HMCES: variants seen among roughly 807,000 people sequenced by gnomAD.
HMCES encodes the protein abasic site processing protein HMCES.
In HMCES, 27 loss-of-function variants were observed where a neutral mutation model predicts 35.1. The observed-to-expected ratio is 0.77, with a 90% CI of 0.57 to 1.06. The LOEUF is 1.06. HMCES is among the 50% of genes least tolerant of loss of function. The pLI, the probability that HMCES is intolerant of heterozygous loss-of-function variation, is 0.00. For missense variants in HMCES, 391 were observed against 430.4 expected (o/e 0.91, Z 0.81); for synonymous variants, 130 against 154.7 (o/e 0.84, Z 1.18).
chr3:129,290,625 C>T (rs2071001606), intron 3 of HMCES, 54 bp from the exon 4 acceptor site: 5 of 1,570,442 alleles, frequency 3.2e-6, no homozygotes, highest in Non-Finnish European at 4.3e-6. Flanking sequence ...TAATGGCAGC[C>T]TGTGAAACAT....
rs34382705 is a variant in HMCES at position 129,299,648 on chromosome 3, CT to C, written c.635+1134del. Among the ~76,000 whole-genome samples the C allele has an allele frequency of 6.9e-3, 761 of 110,094 alleles. 4 individuals carry two copies. Among genetic ancestry groups the C allele is most frequent in the African/African-American group, 0.022 (636 of 28,632 alleles). 72.2% of individuals were successfully genotyped at this position (110,094 alleles called of 152,430 possible). On this transcript the variant is annotated intron_variant, in intron 5 of 6. Transcript: ENST00000383463. ...TTTTGTATGAACCTTATAGGTGCTT[CT>C]TTTTTTTTTTTTTTTTTTTTGAGAC...
chr3:129,282,635 A>T (rs1940529344), intron 2 of HMCES, among the ~76,000 whole-genome samples: 1 of 152,212 alleles, frequency 6.6e-6, no homozygotes, highest in Non-Finnish European at 1.5e-5. Context: ...AATTTTGATA[A>T]TATTTGATAT....
At chr3:129,289,028 A>T in intron 3 of HMCES, 31 bp downstream of exon 3, 1 of 1,502,376 alleles carries the variant, frequency 6.7e-7, no homozygotes, top group Non-Finnish European at 9.1e-7. Context: ...AGTGCCCCGT[A>T]TACCTCAGAA....
chr3:129,298,986 TACA>T, intron 5 of HMCES, among the ~76,000 whole-genome samples: 1 of 152,192 alleles, frequency 6.6e-6, no homozygotes, highest in African/African-American at 2.4e-5. Flanking sequence ...CTACTAAAAA[TACA>T]ACAACTAAAT....
chr3:129,279,764 GAGATGT>G lies in HMCES; in HGVS notation c.33_38del (p.Arg11_Val13delinsSer), dbSNP rs1319721706. ...GGGCGAACATCCTGTCACTTACCTA[GAGATGT>G]TCTCACGAGAGCTTGCGCCTACCAG... On this transcript the variant is annotated inframe_deletion, in exon 2 of 7. Transcript: ENST00000383463. The surrounding 1 kb of genome is among the most constrained non-coding windows in gnomAD (Gnocchi z 4.2). 6.2e-7 allele frequency: 1 copy of G among 1,613,186 alleles called. No homozygotes were observed. The highest frequency in any genetic ancestry group is 1.3e-5 in the African/African-American group (1 of 75,012).
In HMCES at chr3:129,302,103, T is replaced by G; in HGVS notation, c.789T>G (p.Thr263=). Residue 263 remains threonine (T), a synonymous_variant, in exon 6 of 7, where the codon ACT becomes ACG. Coordinates refer to ENST00000383463, the MANE Select transcript of HMCES (RefSeq NM_020187.3). ...TGGTGAACAACTCGCGAAACAACAC[T>G]CCTGAGTGTCTGGCTCCTGTCGACT... ...SSVVNNSRNN[T]PECLAPVDLV... is the part of the protein sequence containing the mutation. 6.2e-7 allele frequency: 1 copy of G among 1,613,962 alleles called. No homozygotes were observed.
intron 2 of HMCES, among the ~76,000 whole-genome samples, chr3:129,280,787 T>TA (rs1940455019): frequency 6.6e-6 from 1 of 152,234 alleles, no homozygotes; most frequent in Non-Finnish European, 1.5e-5. Context: ...ACCAGTCACT[T>TA]ACATTCATAT....
At chr3:129,300,193 G>T (rs948402975) in intron 5 of HMCES, among the ~76,000 whole-genome samples, 35 of 136,790 alleles carry the variant, frequency 2.6e-4, no homozygotes, top group East Asian at 4.1e-4. Flanking sequence ...TATATATATA[G>T]AAAAGTTCAG....
intron 4 of HMCES, among the ~76,000 whole-genome samples, chr3:129,292,787 A>G (rs2071040206): frequency 1.3e-5 from 2 of 151,824 alleles, no homozygotes; most frequent in Non-Finnish European, 2.9e-5. Flanking sequence ...CCTGGCCGAG[A>G]AAAGTTTTTT....
At position 129,296,501 on chromosome 3, in the gene HMCES, A is replaced by G. The variant is rs1279944992; in HGVS notation, c.454-1853A>G. Among the ~76,000 whole-genome samples, 7 of 152,210 alleles carry G rather than the reference A, an allele frequency of 4.6e-5. No individual in the cohort carries two copies. The East Asian group carries it at 1.4e-3, about 29-fold the overall frequency. ...AATTTTACTTACTTCAAGTTCTCTG[A>G]TAATTTCAGCATCTGGGAAATATAA... On this transcript the variant is annotated intron_variant, in intron 4 of 6. Transcript: ENST00000383463.
intron 4 of HMCES, among the ~76,000 whole-genome samples, chr3:129,292,357 T>G (rs541321420): frequency 6.6e-6 from 1 of 150,928 alleles, no homozygotes; most frequent in Non-Finnish European, 1.5e-5. Flanking sequence ...ACCATGATAC[T>G]GAGTAGCTGG....
rs147578293 is a variant in HMCES, at chr3:129,279,537, A to T, written c.-23-173A>T. Among the ~76,000 whole-genome samples, 1 of 152,260 alleles carries T rather than the reference A, an allele frequency of 6.6e-6. No individual in the cohort carries two copies. The highest frequency in any genetic ancestry group is 1.9e-4 in the East Asian group (1 of 5,162). On this transcript the variant is annotated intron_variant, in intron 1 of 6. Coordinates refer to ENST00000383463, the MANE Select transcript of HMCES (RefSeq NM_020187.3). The surrounding 1 kb of genome is among the most constrained non-coding windows in gnomAD (Gnocchi z 4.2). ...ACGGAGCTGGGCAGTGGGCTCAGGGAGCGAAGCAAACGGGCACATCCTTGT... is the reference window on the plus strand; with the variant it reads ...ACGGAGCTGGGCAGTGGGCTCAGGGTGCGAAGCAAACGGGCACATCCTTGT...
chr3:129,300,035 C>T (rs1030779857), intron 5 of HMCES, among the ~76,000 whole-genome samples: 20 of 151,890 alleles, frequency 1.3e-4, no homozygotes, highest in African/African-American at 4.6e-4. Flanking sequence ...CACATGTTCT[C>T]ATTTTTCTTC....
chr3:129,303,328 G>T (rs1295740634), intron 6 of HMCES, among the ~76,000 whole-genome samples: 2 of 152,204 alleles, frequency 1.3e-5, no homozygotes, highest in African/African-American at 2.4e-5. Flanking sequence ...ATGATTGTAA[G>T]AACAGCTGTC....
intron 4 of HMCES, among the ~76,000 whole-genome samples, chr3:129,295,732 A>G (rs1423716773): frequency 3.3e-5 from 5 of 152,126 alleles, no homozygotes; most frequent in Non-Finnish European, 4.4e-5. Context: ...TGTAATGCAT[A>G]AATGTGTGCT....
At chr3:129,290,830 A>G in intron 4 of HMCES, 26 bp downstream of exon 4, 1 of 1,601,022 alleles carries the variant, frequency 6.2e-7, no homozygotes, top group Non-Finnish European at 8.5e-7. Context: ...TTCACAATAT[A>G]TATTTGGAAA....
intron 2 of HMCES, among the ~76,000 whole-genome samples, chr3:129,288,147 C>T (rs1393053141): frequency 6.6e-6 from 1 of 151,796 alleles, no homozygotes; most frequent in Non-Finnish European, 1.5e-5. Flanking sequence ...TGATGGTGTG[C>T]ACCTGTAGTC....
intron 6 of HMCES, 79 bp from the exon 7 acceptor site, chr3:129,304,510 C>T (rs567746098): frequency 4.5e-4 from 540 of 1,204,712 alleles, no homozygotes; most frequent in Non-Finnish European, 6.1e-4. Context: ...AATGCCTCTT[C>T]CCCTGTTTCT....
rs1255001843 is a variant in HMCES at position 129,305,063 on chromosome 3, C to A, written c.*238C>A. The stretch of plus-strand genomic sequence containing the variant: ...CCATGTGGGCCCCATAGGGGCACTG[C>A]GCCTGCTGCCCTTTCCTGGCAGGGC... On this transcript the variant is annotated 3_prime_UTR_variant, in exon 7 of 7. Transcript: ENST00000383463. 2 of 551,052 alleles carry A rather than the reference C, an allele frequency of 3.6e-6. No individual in the cohort carries two copies. The allele number at this position is 551,052 out of a possible 1,614,324, so 34.1% of individuals were successfully genotyped here. A position where few individuals can be genotyped will look rare whatever the true frequency, so the allele number is the denominator to read the frequency against.
Sources: gnomAD v4.1 joint callset for allele counts (sites outside exome capture counted in the v4.1 genomes callset) on GRCh38, gnomAD v4.1.1 for gene constraint, Gnocchi (gnomAD v3.1) non-coding constraint, MANE v1.5 for transcripts, NCBI Gene and HGNC (gene_info 2026-07-23, HGNC 2026-07-21) for gene names.